The following PRKCH variants were observed in gnomAD, a reference collection of about 807,000 sequenced individuals.
PRKCH encodes protein kinase C eta type.
PRKCH carries 28 observed loss-of-function variants against 82.5 expected under a neutral mutation model. That is an observed-to-expected ratio of 0.34 (90% CI 0.25 to 0.47). The LOEUF (loss-of-function observed/expected upper bound fraction) is 0.47. Ranked by LOEUF, PRKCH falls within the 20% of genes least tolerant of loss-of-function variation. PRKCH has a pLI of 1.00. For synonymous variants in PRKCH, 322 were observed against 327.4 expected, an observed-to-expected ratio of 0.98 and a Z score of 0.18; for missense variants, 705 against 881.8, an observed-to-expected ratio of 0.80 and a Z score of 2.54.
At chr14:61,480,614 A>G (rs1885929484) in intron 9 of PRKCH, among the ~76,000 whole-genome samples, 1 of 152,226 alleles carries the variant, frequency 6.6e-6, no homozygotes, top group South Asian at 2.1e-4. Context: ...TTTTCAAGCC[A>G]AGCACCATAG....
intron 1 of PRKCH, among the ~76,000 whole-genome samples, chr14:61,211,795 G>A (rs557866987): frequency 3.3e-5 from 5 of 152,246 alleles, no homozygotes; most frequent in Non-Finnish European, 5.9e-5. Context: ...ATCTGAAATC[G>A]TGTCAAGAAG....
chr14:61,423,570 C>A (rs1882966911), intron 2 of PRKCH, among the ~76,000 whole-genome samples: 1 of 152,094 alleles, frequency 6.6e-6, no homozygotes, highest in Admixed American at 6.5e-5. Flanking sequence ...AAGTGAGAAG[C>A]CATTCCAAGT....
chr14:61,277,050 G>T (rs1183235295), intron 1 of PRKCH, among the ~76,000 whole-genome samples: 1 of 152,060 alleles, frequency 6.6e-6, no homozygotes, highest in East Asian at 1.9e-4. Context: ...GCTGGGCGTG[G>T]TGGTGTGCAC....
At chr14:61,410,363 T>G (rs1212904007) in intron 2 of PRKCH, among the ~76,000 whole-genome samples, 1 of 152,222 alleles carries the variant, frequency 6.6e-6, no homozygotes, top group Admixed American at 6.5e-5. Flanking sequence ...AAACCGTTGA[T>G]TAACTTGAGT....
chr14:61,519,315 AT>A (rs2042872353), intron 10 of PRKCH, among the ~76,000 whole-genome samples: 1 of 147,864 alleles, frequency 6.8e-6, no homozygotes, highest in South Asian at 2.1e-4. Context: ...GAATGAATGA[AT>A]GAATAAATAA....
At chr14:61,392,300 A>G (rs1244220805) in intron 2 of PRKCH, among the ~76,000 whole-genome samples, 3 of 152,182 alleles carry the variant, frequency 2.0e-5, no homozygotes, top group Non-Finnish European at 4.4e-5. Context: ...GCTGGGTAAT[A>G]AAGTAGGTGT....
chr14:61,266,662 C>T lies in PRKCH; in HGVS notation c.-19+78994C>T, dbSNP rs548205744. Among the ~76,000 whole-genome samples the T allele has an allele frequency of 2.6e-5, 4 of 152,198 alleles. No individual in the cohort carries two copies. In the East Asian group the frequency reaches 5.8e-4, roughly 22 times the overall value. ...CAAAGACAGATGGAAACTTGTTTTA[C>T]GAAGGACCAGGAGAGGAATTGTCTC... On this transcript the variant is annotated intron_variant, in intron 1 of 3. Coordinates refer to the PRKCH transcript ENST00000555185.
intron 1 of PRKCH, among the ~76,000 whole-genome samples, chr14:61,388,611 G>C (rs2046626309): frequency 6.6e-6 from 1 of 152,148 alleles, no homozygotes; most frequent in Non-Finnish European, 1.5e-5. Flanking sequence ...TTCTCTGGCA[G>C]GCCTTTATAT....
At chr14:61,398,660 C>T (rs1238423123) in intron 2 of PRKCH, among the ~76,000 whole-genome samples, 2 of 152,126 alleles carry the variant, frequency 1.3e-5, no homozygotes, top group African/African-American at 4.8e-5. Context: ...AGCCTTAGAC[C>T]AGTCAGGCTT....
intron 7 of PRKCH, among the ~76,000 whole-genome samples, chr14:61,455,874 C>T (rs1884742945): frequency 6.6e-6 from 1 of 152,152 alleles, no homozygotes; most frequent in Non-Finnish European, 1.5e-5. Flanking sequence ...TAGGATGGAA[C>T]TGGAAAGCCA....
At chr14:61,301,408 G>A (rs146438358) in intron 1 of PRKCH, among the ~76,000 whole-genome samples, 22 of 152,232 alleles carry the variant, frequency 1.4e-4, no homozygotes, top group African/African-American at 5.1e-4. Context: ...AGCATATATC[G>A]TACCTAAGAT....
At chr14:61,435,704 A>AATG (rs1883643800) in intron 2 of PRKCH, among the ~76,000 whole-genome samples, 2 of 150,560 alleles carry the variant, frequency 1.3e-5, no homozygotes, top group African/African-American at 4.9e-5. Flanking sequence ...ATCTCAATAT[A>AATG]AATGAATGAA....
At chr14:61,245,496 G>A (rs561890674) in intron 1 of PRKCH, among the ~76,000 whole-genome samples, 4 of 152,330 alleles carry the variant, frequency 2.6e-5, no homozygotes, top group East Asian at 3.9e-4. Context: ...AAGTTATTTC[G>A]TGAGATGTGG....
intron 10 of PRKCH, among the ~76,000 whole-genome samples, chr14:61,510,048 G>A (rs1887309969): frequency 1.3e-5 from 2 of 152,158 alleles, no homozygotes. Context: ...ATGCTAGGTA[G>A]ACATAGCGAC....
At chr14:61,537,640 C>T (rs926658660) in intron 12 of PRKCH, 34 of 152,184 alleles carry the variant, frequency 2.2e-4, no homozygotes, top group Admixed American at 6.5e-5. Flanking sequence ...AATCACGTGA[C>T]TCAGGGTCTA....
intron 10 of PRKCH, among the ~76,000 whole-genome samples, chr14:61,488,288 A>G (rs1202350280): frequency 6.6e-6 from 1 of 152,198 alleles, no homozygotes; most frequent in Non-Finnish European, 1.5e-5. Context: ...GTGCCACTGT[A>G]TTCCAGCCTG....
At chr14:61,356,673 T>C (rs2046154827) in intron 1 of PRKCH, among the ~76,000 whole-genome samples, 1 of 152,250 alleles carries the variant, frequency 6.6e-6, no homozygotes, top group African/African-American at 2.4e-5. Context: ...TTCTTTCTTA[T>C]AGGAAATTTT....
chr14:61,540,483 G>A (rs58373173), intron 12 of PRKCH, among the ~76,000 whole-genome samples: 2,472 of 152,254 alleles, frequency 0.016, 67 homozygotes, highest in African/African-American at 0.057. Context: ...CCTGACTGTA[G>A]CACTCCCAAA....
chr14:61,366,197 T>C (rs1388928018), intron 1 of PRKCH, among the ~76,000 whole-genome samples: 2 of 152,146 alleles, frequency 1.3e-5, no homozygotes, highest in Non-Finnish European at 2.9e-5. Context: ...TGAAAGTCTT[T>C]GAAAATTTAG....
Sources: allele counts gnomAD v4.1 joint callset (sites outside exome capture counted in the v4.1 genomes callset), GRCh38; gene constraint gnomAD v4.1.1; transcripts MANE v1.5; gene names NCBI Gene and HGNC (gene_info 2026-07-23, HGNC 2026-07-21).